Variants in LPA observed in about 807,000 individuals in gnomAD.
LPA encodes the protein apolipoprotein(a).
A neutral mutation model predicts 197.9 loss-of-function variants in LPA; 199 were observed. That is an observed-to-expected ratio of 1.01 (90% CI 0.90 to 1.13). LPA has a LOEUF of 1.13. Among genes scored for constraint, LPA ranks in the 50% most tolerant of loss-of-function variants. The pLI, the probability that LPA is intolerant of heterozygous loss-of-function variation, is 0.00. For missense variants in LPA, 1,853 were observed against 1,785.8 expected (o/e 1.04, Z -0.68); for synonymous variants, 715 against 639.5 (o/e 1.12, Z -1.78).
In LPA at chr6:160,591,075, T is replaced by C; in HGVS notation, c.3656A>G (p.Asn1219Ser). 6.2e-7 allele frequency: 1 copy of C among 1,613,852 alleles called. No homozygotes were observed. The highest frequency in any genetic ancestry group is 8.5e-7 in the Non-Finnish European group (1 of 1,179,888). ...NGGLTRNYCR[N>S]PDAEISPWCY... ...CCAAGGACTAATCTCAGCATCTGGA[T>C]TCCTGCAGTAGTTCCTGGTCAGGCC... is the stretch of plus-strand genomic sequence containing the variant. Residue 1219 changes from asparagine (N) to serine (S), a missense_variant, in exon 23 of 39, where the codon AAT (asparagine) becomes AGT (serine). Physicochemically the swap from Asn to Ser is conservative, Grantham distance 46 (BLOSUM62 1). Coordinates refer to ENST00000316300, the MANE Select transcript of LPA (RefSeq NM_005577.4).
chr6:160,547,319 A>G (rs947426220), intron 32 of LPA, among the ~76,000 whole-genome samples: 2 of 152,170 alleles, frequency 1.3e-5, no homozygotes, highest in East Asian at 1.9e-4. Flanking sequence ...GCAGTTCACA[A>G]TAGGGTTTGT....
At chr6:160,541,992 A>T (rs568814352) in intron 34 of LPA, among the ~76,000 whole-genome samples, 1 of 152,206 alleles carries the variant, frequency 6.6e-6, no homozygotes, top group Non-Finnish European at 1.5e-5. Flanking sequence ...GAGAACAGCA[A>T]TTGAGCACAG....
At chr6:160,599,786 G>T in intron 19 of LPA, 127 bp from the exon 20 acceptor site, 1 of 999,206 alleles carries the variant, frequency 1.0e-6, no homozygotes, top group Non-Finnish European at 1.5e-6. Flanking sequence ...TTTATTAATA[G>T]GCAAATGGAC....
intron 28 of LPA, among the ~76,000 whole-genome samples, chr6:160,576,390 G>GTATATA (rs140486548): frequency 4.3e-5 from 2 of 46,120 alleles, no homozygotes; most frequent in East Asian, 6.2e-4. Flanking sequence ...ATATATATAT[G>GTATATA]TATATATATA....
Position 160,584,504 on chromosome 6 carries a change from T to A in LPA, c.4289+542A>T, listed in dbSNP as rs528558258. 3.0e-4 allele frequency among the ~76,000 whole-genome samples: 46 copies of A among 151,826 alleles called. No homozygotes were observed. The South Asian group carries it at 9.0e-3, about 30-fold the overall frequency. ...CCACCACCATGACCGGCTAATTTTTTAATTTTTCGTAGAGATGGGGTTTTG... is the reference window on the plus strand; with the variant it reads ...CCACCACCATGACCGGCTAATTTTTAAATTTTTCGTAGAGATGGGGTTTTG... On this transcript the variant is annotated intron_variant, in intron 26 of 38. Coordinates refer to ENST00000316300, the MANE Select transcript of LPA (RefSeq NM_005577.4).
chr6:160,602,101 A>C (rs1228988782), intron 18 of LPA, among the ~76,000 whole-genome samples: 3 of 152,094 alleles, frequency 2.0e-5, no homozygotes, highest in African/African-American at 4.8e-5. Flanking sequence ...TGGGGATCCA[A>C]CACTGTCTCT....
intron 37 of LPA, among the ~76,000 whole-genome samples, chr6:160,536,393 T>C (rs1262726297): frequency 1.3e-5 from 2 of 152,234 alleles, no homozygotes; most frequent in African/African-American, 4.8e-5. Flanking sequence ...TTATTAGTAG[T>C]AGGAGCTGCC....
chr6:160,572,288 C>T (rs758247489), intron 28 of LPA, among the ~76,000 whole-genome samples: 2 of 143,278 alleles, frequency 1.4e-5, no homozygotes, highest in African/African-American at 2.6e-5. Context: ...GTTGATCTCA[C>T]GGGGAGCGGC....
Position 160,577,187 on chromosome 6 carries a change from G to T in LPA, c.4580C>A (p.Ser1527Ter). 1 of 1,613,900 alleles carries T rather than the reference G, an allele frequency of 6.2e-7. No homozygotes were observed. The highest frequency in any genetic ancestry group is 8.5e-7 in the Non-Finnish European group (1 of 1,179,856). The change falls in exon 28 of 39, where the codon TCA becomes TAA. Residue 1527 changes from serine (S) to a stop codon, truncating the protein, a stop_gained. Coordinates refer to ENST00000316300, the MANE Select transcript of LPA (RefSeq NM_005577.4). LOFTEE classifies it high-confidence loss of function. ...CTGATGCCAGTGTGGTATCATAGATGACCAAGATTGACAGGTCCTTCCTGT... is the reference window on the plus strand; with the variant it reads ...CTGATGCCAGTGTGGTATCATAGATTACCAAGATTGACAGGTCCTTCCTGT... ...TVTGRTCQSW[S>*]SMIPHWHQRT...
chr6:160,581,268 A>G (rs1180425606), intron 26 of LPA, among the ~76,000 whole-genome samples: 3 of 152,030 alleles, frequency 2.0e-5, no homozygotes, highest in South Asian at 2.1e-4. Context: ...TTTTGTTTGC[A>G]TATGTTTTGC....
rs760005750 is a variant in LPA at position 160,595,484 on chromosome 6, C to G, written c.3339G>C (p.Trp1113Cys). ...CRNPDAEIRP[W>C]CYTMDPSVRW... ...TGACACTGGGATCCATGGTGTAACA[C>G]CAAGGGCGAATCTCAGCATCTGGAT... Residue 1113 changes from tryptophan (W) to cysteine (C), a missense_variant, in exon 21 of 39, where the codon TGG (tryptophan) becomes TGC (cysteine). Trp to Cys is a radical substitution (Grantham distance 215, BLOSUM62 -2). Around this residue, in one of 3 missense-constraint regions of LPA, gnomAD observed 1,737 missense variants for 1,504.4 expected, o/e 1.15. Coordinates refer to ENST00000316300, the MANE Select transcript of LPA (RefSeq NM_005577.4). 2.5e-6 allele frequency: 4 copies of G among 1,613,874 alleles called. No homozygotes were observed. The Admixed American group carries it at 6.7e-5, about 27-fold the overall frequency.
rs73014179 is a variant in LPA, at chr6:160,579,812, G to A, written c.4290-1108C>T. ...ATCCCCCATTTGAGGATGTTAGGCA[G>A]TGGTTTTTAACACAACTGGACGTAT... is the stretch of plus-strand genomic sequence containing the variant. On this transcript the variant is annotated intron_variant, in intron 26 of 38. Coordinates refer to ENST00000316300, the MANE Select transcript of LPA (RefSeq NM_005577.4). Among the ~76,000 whole-genome samples the A allele has an allele frequency of 4.2e-3, 639 of 152,364 alleles. 1 individual carries two copies. The highest frequency in any genetic ancestry group is 7.2e-3 in the Non-Finnish European group (488 of 68,038).
rs983569880 is a variant in LPA at position 160,542,610 on chromosome 6, G to A, written c.5519+78C>T. On this transcript the variant is annotated intron_variant, in intron 34 of 38. Coordinates refer to ENST00000316300, the MANE Select transcript of LPA (RefSeq NM_005577.4). ...CAGGTATTGATGCATCAGCTGTGTG[G>A]GTTCTGTGTAAATGTAGAAGGGTTT... is the stretch of plus-strand genomic sequence containing the variant. The A allele has an allele frequency of 1.9e-6, 3 of 1,601,328 alleles. No individual in the cohort carries two copies. In the South Asian group the frequency reaches 3.3e-5, roughly 18 times the overall value.
chr6:160,654,535 C>T (rs1052163399), intron 1 of LPA, among the ~76,000 whole-genome samples: 2 of 151,980 alleles, frequency 1.3e-5, no homozygotes, highest in Non-Finnish European at 2.9e-5. Context: ...CAACTTGAAC[C>T]CATACACACA....
intron 16 of LPA, among the ~76,000 whole-genome samples, chr6:160,610,287 T>A (rs1269454122): frequency 6.6e-6 from 1 of 152,180 alleles, no homozygotes; most frequent in East Asian, 1.9e-4. Context: ...GGCACTTCAT[T>A]GATTGGAAAC....
At chr6:160,657,296 T>C (rs974725917) in intron 1 of LPA, among the ~76,000 whole-genome samples, 14 of 152,190 alleles carry the variant, frequency 9.2e-5, no homozygotes, top group Non-Finnish European at 7.3e-5. Context: ...CCTAAGCCTT[T>C]GGATCACTTC....
In LPA at chr6:160,599,640, G is replaced by C. The variant is rs749014239; in HGVS notation, c.3147C>G (p.Pro1049=). 1.9e-6 allele frequency: 3 copies of C among 1,613,886 alleles called. No homozygotes were observed. The South Asian group carries it at 3.3e-5, about 18-fold the overall frequency. The change falls in exon 20 of 39, where the codon CCC becomes CCG. Residue 1049 remains proline (P), a synonymous_variant. Coordinates refer to ENST00000316300, the MANE Select transcript of LPA (RefSeq NM_005577.4). The stretch of plus-strand genomic sequence containing the variant: ...AATGGTAGTAGCAGTCCTGTACCCC[G>C]GGGGTTTCCTCAGTCAGTGCTGAAA... ...FFEQALTEET[P]GVQDCYYHYG...
At position 160,605,159 on chromosome 6, in the gene LPA, A is replaced by G. The variant is rs1215964468; in HGVS notation, c.2832T>C (p.Asn944=). The G allele has an allele frequency of 1.2e-6, 2 of 1,613,944 alleles. No individual in the cohort carries two copies. The highest frequency in any genetic ancestry group is 1.7e-5 in the Admixed American group (1 of 60,002). The change falls in exon 18 of 39, where the codon AAT becomes AAC. Residue 944 remains asparagine (N), a synonymous_variant. Coordinates refer to ENST00000316300, the MANE Select transcript of LPA (RefSeq NM_005577.4). The part of the protein sequence containing the change: ...RPGVQECYHG[N]GQSYQGTYFI... Reference sequence around the variant, plus strand: ...AGTATGTGCCTTGATAACTCTGTCCATTTCCGTGGTAGCACTCCTGCACCC... The same window carrying G: ...AGTATGTGCCTTGATAACTCTGTCCGTTTCCGTGGTAGCACTCCTGCACCC...
rs1261076632 is a variant in LPA, at chr6:160,585,153, C to T, written c.4182G>A (p.Gln1394=). ...TGGTGGAGAGTGTGCCTCGATAACT[C>T]TGTCCATCACCTCGGTAGCAGTCCT... The part of the protein sequence containing the change: ...GVQDCYRGDG[Q]SYRGTLSTTI... Residue 1394 remains glutamine, a synonymous_variant, in exon 26 of 39, where the codon CAG becomes CAA. Transcript: ENST00000316300. 1 of 1,613,576 alleles carries T rather than the reference C, an allele frequency of 6.2e-7. No homozygotes were observed. Among genetic ancestry groups the T allele is most frequent in the Non-Finnish European group, 8.5e-7 (1 of 1,179,836 alleles).
Sources: gnomAD v4.1 joint callset for allele counts (sites outside exome capture counted in the v4.1 genomes callset) on GRCh38, gnomAD v4.1.1 for gene constraint, gnomAD v4.1.1 regional missense constraint, MANE v1.5 for transcripts, NCBI Gene and HGNC (gene_info 2026-07-23, HGNC 2026-07-21) for gene names.